GALNT2: variants seen among roughly 807,000 people sequenced by gnomAD.
GALNT2 encodes the protein polypeptide N-acetylgalactosaminyltransferase 2.
Under a neutral mutation model 81.4 loss-of-function variants are expected in GALNT2, and 31 were observed. The ratio of observed to expected loss-of-function variants is 0.38; its 90% CI spans 0.29 to 0.51. The LOEUF (loss-of-function observed/expected upper bound fraction) is 0.51, where lower values mean the gene tolerates loss of function less well. Ranked by LOEUF, GALNT2 falls within the 20% of genes least tolerant of loss-of-function variation. The pLI is 0.87. For synonymous variants in GALNT2, 303 were observed against 287.4 expected (o/e 1.05, Z -0.55); for missense variants, 629 against 765.7 (o/e 0.82, Z 2.11).
chr1:230,271,650 C>T lies in GALNT2; in HGVS notation c.1441-2795C>T, dbSNP rs1572162276. ...GAATAGTTCATAGAACTCAGGAAAA[C>T]GGTTTACTTCGTGGCTTACCTGTTC... is the stretch of plus-strand genomic sequence containing the variant. On this transcript the variant is annotated intron_variant, in intron 14 of 15. Transcript: ENST00000366672. This position sits in a 1 kb window ranked among gnomAD's most constrained non-coding sequence, Gnocchi z 4.2. Among the ~76,000 whole-genome samples the T allele has an allele frequency of 6.6e-6, 1 of 152,246 alleles. No homozygotes were observed.
chr1:230,082,052 A>G (rs7515561), intron 1 of GALNT2, among the ~76,000 whole-genome samples: 139,719 of 152,290 alleles, frequency 0.92, 64,277 homozygotes, highest in East Asian at 1. Flanking sequence ...GGTCTTGCTT[A>G]GAGCAGACCT....
At chr1:230,147,796 A>AGCTGAG (rs1419385228) in intron 1 of GALNT2, among the ~76,000 whole-genome samples, 1 of 152,200 alleles carries the variant, frequency 6.6e-6, no homozygotes, top group African/African-American at 2.4e-5. Flanking sequence ...TGAGGGCCTC[A>AGCTGAG]GCTCTGCCTG....
chr1:230,216,474 C>T (rs1303989194), intron 3 of GALNT2, among the ~76,000 whole-genome samples: 2 of 152,182 alleles, frequency 1.3e-5, no homozygotes, highest in African/African-American at 2.4e-5. Context: ...AGTTGTCTCA[C>T]CCCGTTGCCC....
At chr1:230,196,185 C>G (rs546486484) in intron 2 of GALNT2, among the ~76,000 whole-genome samples, 1 of 152,202 alleles carries the variant, frequency 6.6e-6, no homozygotes, top group African/African-American at 2.4e-5. Context: ...TCCTGCCTGC[C>G]GTCCCTCCCT....
At chr1:230,137,792 A>T (rs1661597804) in intron 1 of GALNT2, among the ~76,000 whole-genome samples, 1 of 152,180 alleles carries the variant, frequency 6.6e-6, no homozygotes, top group African/African-American at 2.4e-5. Flanking sequence ...TTGGCTCAGG[A>T]TTGATGTTGT....
intron 3 of GALNT2, among the ~76,000 whole-genome samples, chr1:230,226,032 C>T (rs1664699261): frequency 6.6e-6 from 1 of 152,198 alleles, no homozygotes; most frequent in Admixed American, 6.5e-5. Flanking sequence ...AGTCTGTGGC[C>T]TTAAAGCAAC....
At chr1:230,192,355 G>GTGTGGACAAGGTCTTGTATGAAGTA (rs1663555615) in intron 2 of GALNT2, among the ~76,000 whole-genome samples, 1 of 152,232 alleles carries the variant, frequency 6.6e-6, no homozygotes, top group Non-Finnish European at 1.5e-5. Flanking sequence ...TTATGGTATG[G>GTGTGGACAAGGTCTTGTATGAAGTA]TGTGGACAAG....
At chr1:230,136,899 G>A (rs1472270771) in intron 1 of GALNT2, among the ~76,000 whole-genome samples, 1 of 152,164 alleles carries the variant, frequency 6.6e-6, no homozygotes, top group African/African-American at 2.4e-5. Flanking sequence ...TGCTTTTCCC[G>A]CAGTTCAGCC....
intron 1 of GALNT2, among the ~76,000 whole-genome samples, chr1:230,165,362 C>T (rs1328740755): frequency 6.6e-6 from 1 of 152,298 alleles, no homozygotes; most frequent in Non-Finnish European, 1.5e-5. Flanking sequence ...GGGCTGTTAA[C>T]AGAAATTAAC....
chr1:230,067,315 C>G lies in GALNT2; in HGVS notation c.35C>G (p.Ala12Gly). 1 of 1,385,362 alleles carries G rather than the reference C, an allele frequency of 7.2e-7. No individual in the cohort carries two copies. The highest frequency in any genetic ancestry group is 3.3e-5 in the East Asian group (1 of 30,282). 85.8% of individuals were successfully genotyped at this position (1,385,362 alleles called of 1,614,324 possible). The stretch of plus-strand genomic sequence containing the variant: ...CGCTCGCGGATGCTGCTCTGCTTCG[C>G]CTTCCTGTGGGTGCTGGGCATCGCC... ...RRRSRMLLCF[A>G]FLWVLGIAYY... The change falls in exon 1 of 16, where the codon GCC becomes GGC. Residue 12 changes from alanine (A) to glycine (G), a missense_variant. Ala to Gly is a moderately conservative substitution (Grantham distance 60, BLOSUM62 0). This residue lies in a region of GALNT2 where 62 missense variants were observed against 47.3 expected (regional missense o/e 1.31). Transcript: ENST00000366672.
At chr1:230,058,813 T>C (rs560724211) in intron 1 of GALNT2, among the ~76,000 whole-genome samples, 1 of 152,266 alleles carries the variant, frequency 6.6e-6, no homozygotes, top group African/African-American at 2.4e-5. Context: ...ATTTTGAGCT[T>C]AGTGTCACTA....
chr1:230,193,820 C>T lies in GALNT2; in HGVS notation c.221-9317C>T, dbSNP rs879431353. 2.6e-5 allele frequency among the ~76,000 whole-genome samples: 4 copies of T among 152,170 alleles called. No individual in the cohort carries two copies. Among genetic ancestry groups the T allele is most frequent in the Non-Finnish European group, 4.4e-5 (3 of 68,032 alleles). The stretch of plus-strand genomic sequence containing the variant: ...TGGTGTCCTGAGTGGCACTTAGGAG[C>T]GCTGTCTGGCTGTGTCTCTGGCTGC... On this transcript the variant is annotated intron_variant, in intron 2 of 15. Transcript: ENST00000366672. The surrounding 1 kb of genome is among the most constrained non-coding windows in gnomAD (Gnocchi z 4.3).
chr1:230,076,549 T>C (rs1159455061), intron 1 of GALNT2, among the ~76,000 whole-genome samples: 1 of 152,078 alleles, frequency 6.6e-6, no homozygotes, highest in Non-Finnish European at 1.5e-5. Flanking sequence ...GCAATGTGGG[T>C]AACACTGAGC....
intron 3 of GALNT2, among the ~76,000 whole-genome samples, chr1:230,219,150 G>A (rs780049694): frequency 1.8e-4 from 28 of 152,226 alleles, no homozygotes; most frequent in Non-Finnish European, 3.8e-4. Flanking sequence ...CACTGGGTTT[G>A]TTATCTGTTG....
At chr1:230,142,631 A>G (rs1239559205) in intron 1 of GALNT2, among the ~76,000 whole-genome samples, 2 of 152,202 alleles carry the variant, frequency 1.3e-5, no homozygotes, top group Non-Finnish European at 1.5e-5. Flanking sequence ...TGTCTAGAAC[A>G]TTATGGGTAA....
intron 2 of GALNT2, among the ~76,000 whole-genome samples, chr1:230,195,727 TGA>T (rs1197471935): frequency 6.6e-6 from 1 of 152,172 alleles, no homozygotes; most frequent in Admixed American, 6.5e-5. Context: ...GCAGCCTTCC[TGA>T]GAGGTGCTGT....
At chr1:230,266,139 A>G (rs1666031634) in intron 14 of GALNT2, among the ~76,000 whole-genome samples, 1 of 152,202 alleles carries the variant, frequency 6.6e-6, no homozygotes, top group African/African-American at 2.4e-5. Context: ...GGTTGCTGTG[A>G]GCTGAGATCA....
At chr1:230,245,044 G>T (rs1195614447) in intron 7 of GALNT2, among the ~76,000 whole-genome samples, 2 of 152,172 alleles carry the variant, frequency 1.3e-5, no homozygotes, top group Non-Finnish European at 2.9e-5. Context: ...TCTCTCACCA[G>T]CATCCGTCAT....
At chr1:230,261,925 C>A (rs186572588) in intron 11 of GALNT2, 1 of 152,162 alleles carries the variant, frequency 6.6e-6, no homozygotes, top group East Asian at 1.9e-4. Flanking sequence ...GCAGGAGAAT[C>A]GCTTGAACCC....
Sources: allele counts gnomAD v4.1 joint callset (sites outside exome capture counted in the v4.1 genomes callset), GRCh38; gene constraint gnomAD v4.1.1; regional missense constraint gnomAD v4.1.1; non-coding constraint Gnocchi (gnomAD v3.1); transcripts MANE v1.5; gene names NCBI Gene and HGNC (gene_info 2026-07-23, HGNC 2026-07-21).